OSBPL9: variants seen among roughly 807,000 people sequenced by gnomAD.
OSBPL9 encodes the protein oxysterol-binding protein-related protein 9.
A neutral mutation model predicts 106.6 loss-of-function variants in OSBPL9; 40 were observed. The ratio of observed to expected loss-of-function variants is 0.38; its 90% CI spans 0.29 to 0.49. The LOEUF is 0.49. OSBPL9 is among the 20% of genes least tolerant of loss of function. The probability of loss-of-function intolerance (pLI) is 0.97; values close to 1 mark genes in which losing one functional copy is unlikely to be tolerated. For missense variants in OSBPL9, 609 were observed against 887.2 expected (o/e 0.69, Z 3.98); for synonymous variants, 269 against 295.4 (o/e 0.91, Z 0.92).
intron 3 of OSBPL9, among the ~76,000 whole-genome samples, chr1:51,685,827 ATAGAT>A (rs1395789254): frequency 6.6e-6 from 1 of 152,238 alleles, no homozygotes; most frequent in Admixed American, 6.5e-5. Flanking sequence ...GATACAGCGT[ATAGAT>A]TAAAGTTAAA....
chr1:51,667,760 G>A (rs1292556123), intron 2 of OSBPL9, among the ~76,000 whole-genome samples: 2 of 152,218 alleles, frequency 1.3e-5, no homozygotes, highest in African/African-American at 4.8e-5. Context: ...CTTACCCACT[G>A]AAGTGTGTCT....
At chr1:51,551,967 ATGTGTGTGTGTGTG>A in the OSBPL9 span, among the ~76,000 whole-genome samples, 2 of 145,104 alleles carry the variant, frequency 1.4e-5, no homozygotes, top group Non-Finnish European at 3.0e-5. Context: ...GTGAATAGAA[ATGTGTGTGTGTGTG>A]TGTGTGTGTG....
At chr1:51,695,678 A>G (rs1170591495) in intron 3 of OSBPL9, among the ~76,000 whole-genome samples, 1 of 152,198 alleles carries the variant, frequency 6.6e-6, no homozygotes. Context: ...TAGAGATTCC[A>G]TTCTCATTGC....
At chr1:51,673,867 T>C (rs1436112370) in intron 3 of OSBPL9, among the ~76,000 whole-genome samples, 2 of 151,208 alleles carry the variant, frequency 1.3e-5, no homozygotes, top group East Asian at 3.9e-4. Context: ...GGCAATATAG[T>C]GATGCCCTGT....
chr1:51,744,684 T>A (rs1341846876), intron 4 of OSBPL9, among the ~76,000 whole-genome samples: 1 of 152,224 alleles, frequency 6.6e-6, no homozygotes, highest in African/African-American at 2.4e-5. Flanking sequence ...ATTTTTACAG[T>A]AGCAGTTCCT....
the OSBPL9 span, among the ~76,000 whole-genome samples, chr1:51,541,895 T>TA: frequency 6.6e-6 from 1 of 152,056 alleles, no homozygotes; most frequent in Admixed American, 6.6e-5. Context: ...GCCTTTTTTT[T>TA]TTTATTTTTT....
intron 1 of OSBPL9, among the ~76,000 whole-genome samples, chr1:51,580,906 A>G (rs1367353577): frequency 5.7e-3 from 1 of 174 alleles, no homozygotes; most frequent in Non-Finnish European, 8.3e-3. Context: ...ATATATATAT[A>G]TATATATATA....
rs574176574 is a variant in OSBPL9, at chr1:51,778,340, A to G, written c.1256+1422A>G. Among the ~76,000 whole-genome samples the G allele has an allele frequency of 1.3e-4, 20 of 152,332 alleles. No individual in the cohort carries two copies. The East Asian group carries it at 1.9e-3, about 15-fold the overall frequency. On this transcript the variant is annotated intron_variant, in intron 15 of 23. Coordinates refer to ENST00000428468, the MANE Select transcript of OSBPL9 (RefSeq NM_024586.6). ...CAACTATATCAACAGTTACCACTCC[A>G]TTTAATGTCAGACTGGATTAAAAAA...
chr1:51,621,635 C>T (rs1384721535), intron 1 of OSBPL9, among the ~76,000 whole-genome samples: 2 of 152,174 alleles, frequency 1.3e-5, no homozygotes, highest in South Asian at 4.1e-4. Context: ...CCTAGAATGT[C>T]GCAAACATTT....
At chr1:51,704,814 T>C (rs1658081794) in intron 3 of OSBPL9, among the ~76,000 whole-genome samples, 1 of 152,150 alleles carries the variant, frequency 6.6e-6, no homozygotes, top group Non-Finnish European at 1.5e-5. Context: ...GATTTCAACA[T>C]AGGAATTTTG....
chr1:51,731,410 C>T (rs1284994391), intron 4 of OSBPL9, among the ~76,000 whole-genome samples: 1 of 152,054 alleles, frequency 6.6e-6, no homozygotes, highest in Non-Finnish European at 1.5e-5. Flanking sequence ...ATGATTGCAC[C>T]GCTGCACTCT....
intron 3 of OSBPL9, among the ~76,000 whole-genome samples, chr1:51,675,280 C>G (rs968679901): frequency 1.3e-5 from 2 of 152,058 alleles, no homozygotes; most frequent in Non-Finnish European, 2.9e-5. Flanking sequence ...CCACTTAGTT[C>G]CAGACAGTTG....
intron 9 of OSBPL9, among the ~76,000 whole-genome samples, chr1:51,757,317 C>T (rs1670544675): frequency 6.6e-6 from 1 of 151,772 alleles, no homozygotes; most frequent in Non-Finnish European, 1.5e-5. Context: ...AAGTATGATC[C>T]ATGGTGATAT....
intron 1 of OSBPL9, among the ~76,000 whole-genome samples, chr1:51,647,814 T>G (rs982564547): frequency 1.3e-5 from 2 of 152,214 alleles, no homozygotes; most frequent in Admixed American, 1.3e-4. Flanking sequence ...TTTGTTGATT[T>G]TTTAAAGAAC....
At chr1:51,617,062 A>C (rs530078685), upstream of OSBPL9, 19 of 1,207,318 alleles carry the variant, frequency 1.6e-5, no homozygotes, top group African/African-American at 3.0e-4. Context: ...GCTGAATGCC[A>C]TATAGGCGAG....
chr1:51,651,613 A>G (rs958332522), intron 1 of OSBPL9, among the ~76,000 whole-genome samples: 2 of 151,092 alleles, frequency 1.3e-5, no homozygotes, highest in African/African-American at 4.9e-5. Context: ...AAAACAAAAC[A>G]AAAAAAAATA....
intron 2 of OSBPL9, among the ~76,000 whole-genome samples, chr1:51,611,698 A>T (rs952818023): frequency 1.3e-5 from 2 of 152,226 alleles, no homozygotes; most frequent in Admixed American, 1.3e-4. Context: ...CAGGCCAGGC[A>T]CAGTGGCTCA....
At position 51,765,851 on chromosome 1, in the gene OSBPL9, C is replaced by G. The variant is rs751065533; in HGVS notation, c.808C>G (p.Leu270Val). 3.8e-5 allele frequency: 62 copies of G among 1,613,792 alleles called. 1 individual carries two copies. In the East Asian group the frequency reaches 1.3e-3, roughly 34 times the overall value. The part of the protein sequence containing the change: ...GSGHSPPSSS[L>V]TSPSHVNLSP... Reference sequence around the variant, plus strand: ...TGGCCATTCACCACCGAGTAGCAGTCTCACTTCTCCAAGCCACGTGAACTT... The same window carrying G: ...TGGCCATTCACCACCGAGTAGCAGTGTCACTTCTCCAAGCCACGTGAACTT... Residue 270 changes from leucine (L) to valine (V), a missense_variant, in exon 12 of 24, where the codon CTC becomes GTC. Physicochemically the swap from Leu to Val is conservative, Grantham distance 32. Around this residue, in one of 5 missense-constraint regions of OSBPL9, gnomAD observed 356 missense variants for 505.8 expected, o/e 0.70. Transcript: ENST00000428468.
At position 51,706,689 on chromosome 1, in the gene OSBPL9, T is replaced by TTATA. The variant is rs147927507; in HGVS notation, c.242-7302_242-7299dup. Among the ~76,000 whole-genome samples the TTATA allele has an allele frequency of 6.8e-3, 1,007 of 148,416 alleles. 6 individuals carry two copies. Among genetic ancestry groups the TTATA allele is most frequent in the Non-Finnish European group, 0.012 (802 of 67,056 alleles). On this transcript the variant is annotated intron_variant, in intron 3 of 23. Coordinates refer to ENST00000428468, the MANE Select transcript of OSBPL9 (RefSeq NM_024586.6). ...ATATGCATTTAATATATATATGAAT[T>TTATA]TATATATATATATATGCATTTAAGG...
Sources: gnomAD v4.1 joint callset for allele counts (sites outside exome capture counted in the v4.1 genomes callset) on GRCh38, gnomAD v4.1.1 for gene constraint, gnomAD v4.1.1 regional missense constraint, MANE v1.5 for transcripts, NCBI Gene and HGNC (gene_info 2026-07-23, HGNC 2026-07-21) for gene names.